The following PACRG variants were observed in gnomAD, a reference collection of about 807,000 sequenced individuals.
The protein encoded by PACRG is parkin coregulated gene protein.
Under a neutral mutation model 29.7 loss-of-function variants are expected in PACRG, and 29 were observed. The ratio of observed to expected loss-of-function variants is 0.98; its 90% CI spans 0.73 to 1.33. The LOEUF is 1.33. Among genes scored for constraint, PACRG ranks in the 40% most tolerant of loss-of-function variants. PACRG has a pLI of 0.00. For missense variants in PACRG, 279 were observed against 316.2 expected (o/e 0.88, Z 0.89); for synonymous variants, 116 against 118.7 (o/e 0.98, Z 0.15).
intron 4 of PACRG, among the ~76,000 whole-genome samples, chr6:163,290,266 A>ACGCGCG (rs377081564): frequency 8.6e-4 from 104 of 120,570 alleles, no homozygotes; most frequent in African/African-American, 2.9e-3. Flanking sequence ...GTGCGCATGC[A>ACGCGCG]CGCGCGCGCG....
At chr6:162,969,046 C>CAAAAAAAAAAAAAAA (rs35665491) in intron 2 of PACRG, among the ~76,000 whole-genome samples, 12 of 72,828 alleles carry the variant, frequency 1.6e-4, no homozygotes, top group South Asian at 6.6e-4. Context: ...GACTCTATCA[C>CAAAAAAAAAAAAAAA]AAAAAAAAAA....
At chr6:162,863,955 G>A (rs1350039581) in intron 2 of PACRG, among the ~76,000 whole-genome samples, 1 of 151,906 alleles carries the variant, frequency 6.6e-6, no homozygotes, top group Non-Finnish European at 1.5e-5. Context: ...TCCTTCTCTT[G>A]ATTCCTGCAT....
intron 4 of PACRG, among the ~76,000 whole-genome samples, chr6:163,164,770 G>C (rs761840928): frequency 1.3e-5 from 2 of 152,188 alleles, no homozygotes; most frequent in African/African-American, 4.8e-5. Flanking sequence ...ATGGTTTAGA[G>C]ACAGAAACCT....
intron 1 of PACRG, among the ~76,000 whole-genome samples, chr6:162,753,704 A>G (rs993713222): frequency 2.0e-5 from 3 of 152,084 alleles, no homozygotes; most frequent in East Asian, 3.9e-4. Context: ...ATGAGATCTG[A>G]TGGCTTAAAA....
chr6:162,798,141 T>C (rs1470673714), intron 1 of PACRG, among the ~76,000 whole-genome samples: 2 of 152,222 alleles, frequency 1.3e-5, no homozygotes, highest in Non-Finnish European at 2.9e-5. Flanking sequence ...TAAATGCTTA[T>C]TTAAAGTGGG....
At chr6:162,822,010 G>T (rs1787885900) in intron 2 of PACRG, among the ~76,000 whole-genome samples, 2 of 152,068 alleles carry the variant, frequency 1.3e-5, no homozygotes, top group South Asian at 2.1e-4. Context: ...AGTTTTTGTT[G>T]TCTTTTTTCT....
At chr6:163,012,270 T>TA (rs1253415876) in intron 2 of PACRG, among the ~76,000 whole-genome samples, 3 of 152,220 alleles carry the variant, frequency 2.0e-5, no homozygotes, top group Non-Finnish European at 4.4e-5. Flanking sequence ...CAATTGTTAT[T>TA]ATGACATTTC....
chr6:163,308,252 A>G (rs769420824), intron 4 of PACRG, among the ~76,000 whole-genome samples: 20 of 152,208 alleles, frequency 1.3e-4, no homozygotes, highest in Non-Finnish European at 7.3e-5. Context: ...TTCTTTTGAA[A>G]ATTTTTAGCT....
intron 2 of PACRG, among the ~76,000 whole-genome samples, chr6:162,859,832 T>G (rs1791706941): frequency 6.6e-6 from 1 of 152,158 alleles, no homozygotes; most frequent in African/African-American, 2.4e-5. Context: ...AATTACATAG[T>G]TTTTCCTGGG....
At chr6:162,988,384 C>A (rs79214180) in intron 2 of PACRG, among the ~76,000 whole-genome samples, 1 of 152,032 alleles carries the variant, frequency 6.6e-6, no homozygotes, top group African/African-American at 2.4e-5. Flanking sequence ...AAAGCTGGGA[C>A]GCTTGAGTTG....
At chr6:162,921,098 G>A (rs1409480838) in intron 2 of PACRG, among the ~76,000 whole-genome samples, 3 of 152,206 alleles carry the variant, frequency 2.0e-5, no homozygotes, top group Non-Finnish European at 4.4e-5. Context: ...AAACTTGAAT[G>A]TTAATGTGTT....
chr6:163,304,678 G>C (rs1413467059), intron 4 of PACRG, among the ~76,000 whole-genome samples: 4 of 152,204 alleles, frequency 2.6e-5, no homozygotes, highest in African/African-American at 9.7e-5. Context: ...GAACTTACCA[G>C]GAGGAAGAGG....
chr6:163,169,114 A>G (rs1489461830), intron 4 of PACRG, among the ~76,000 whole-genome samples: 1 of 152,254 alleles, frequency 6.6e-6, no homozygotes, highest in Non-Finnish European at 1.5e-5. Context: ...TCTTTTGAGC[A>G]AATATCATGA....
chr6:163,032,607 AAG>A (rs1362442603), intron 2 of PACRG, among the ~76,000 whole-genome samples: 3 of 152,172 alleles, frequency 2.0e-5, no homozygotes, highest in Non-Finnish European at 4.4e-5. Flanking sequence ...TCAGAATTAT[AAG>A]AGTTTTTTAT....
intron 2 of PACRG, among the ~76,000 whole-genome samples, chr6:162,861,773 T>C (rs1360078552): frequency 6.6e-6 from 1 of 152,228 alleles, no homozygotes; most frequent in Non-Finnish European, 1.5e-5. Flanking sequence ...CTTAAAGTTA[T>C]GCTCACTATA....
intron 2 of PACRG, among the ~76,000 whole-genome samples, chr6:162,825,904 A>G (rs1424510255): frequency 2.6e-5 from 4 of 152,008 alleles, no homozygotes; most frequent in Non-Finnish European, 5.9e-5. Flanking sequence ...GTATTTGCCT[A>G]TCTTACTTTT....
At chr6:163,195,699 C>T (rs1780422547) in intron 4 of PACRG, among the ~76,000 whole-genome samples, 1 of 152,196 alleles carries the variant, frequency 6.6e-6, no homozygotes, top group Admixed American at 6.5e-5. Context: ...CTCTCAGCCT[C>T]CCTGTGCTGC....
intron 4 of PACRG, among the ~76,000 whole-genome samples, chr6:163,303,507 G>T (rs924378123): frequency 6.6e-6 from 1 of 152,180 alleles, no homozygotes. Context: ...TGTAGAGGTG[G>T]TTACAATTAT....
intron 4 of PACRG, among the ~76,000 whole-genome samples, chr6:163,092,219 T>C (rs1432686886): frequency 6.6e-6 from 1 of 152,224 alleles, no homozygotes; most frequent in Non-Finnish European, 1.5e-5. Context: ...GTTTTTACAA[T>C]GTCTCCTGTT....
Sources: gnomAD v4.1 joint callset for allele counts (sites outside exome capture counted in the v4.1 genomes callset) on GRCh38, gnomAD v4.1.1 for gene constraint, MANE v1.5 for transcripts, NCBI Gene and HGNC (gene_info 2026-07-23, HGNC 2026-07-21) for gene names.